The following PLOD3 variants were observed in gnomAD, a reference collection of about 807,000 sequenced individuals.
The protein encoded by PLOD3 is procollagen-lysine,2-oxoglutarate 5-dioxygenase 3.
In PLOD3, 73 loss-of-function variants were observed where a neutral mutation model predicts 96.9. The observed-to-expected ratio is 0.75, with a 90% confidence interval of 0.62 to 0.92. The LOEUF (loss-of-function observed/expected upper bound fraction) is 0.92, where lower values mean the gene tolerates loss of function less well. Among genes scored for constraint, PLOD3 ranks in the 40% least tolerant of loss-of-function variants. The pLI is 0.00. For missense variants in PLOD3, 1,004 were observed against 1,004.3 expected, an observed-to-expected ratio of 1.00 and a Z score of 0.00; for synonymous variants, 454 against 413.7, an observed-to-expected ratio of 1.10 and a Z score of -1.18.
chr7:101,213,604 C>T (rs533028950), intron 6 of PLOD3: 15 of 208,944 alleles, frequency 7.2e-5, no homozygotes, highest in Non-Finnish European at 9.9e-5. Flanking sequence ...GCAACCTCTG[C>T]CTCCTGAGTT....
chr7:101,206,270 G>A lies in PLOD3; in HGVS notation c.*11C>T. Reference sequence around the variant, plus strand: ...ACAATGGCAGGGCAGGTTTGGCAGAGTGGTTGAGTGTCAGGGGTCGACAAA... The same window carrying A: ...ACAATGGCAGGGCAGGTTTGGCAGAATGGTTGAGTGTCAGGGGTCGACAAA... On this transcript the variant is annotated 3_prime_UTR_variant, in exon 19 of 19. Coordinates refer to ENST00000223127, the MANE Select transcript of PLOD3 (RefSeq NM_001084.5). 5 of 1,613,708 alleles carry A rather than the reference G, an allele frequency of 3.1e-6. No individual in the cohort carries two copies. The highest frequency in any genetic ancestry group is 4.2e-6 in the Non-Finnish European group (5 of 1,179,840).
At chr7:101,216,669 T>A in intron 2 of PLOD3, 26 bp downstream of exon 2, 1 of 1,608,910 alleles carries the variant, frequency 6.2e-7, no homozygotes. Context: ...TGGGACCCCC[T>A]CCCAGGGGCC....
intron 16 of PLOD3, among the ~76,000 whole-genome samples, chr7:101,207,940 C>T (rs1464132797): frequency 6.6e-6 from 1 of 152,162 alleles, no homozygotes; most frequent in Non-Finnish European, 1.5e-5. Context: ...CTACTCCTCC[C>T]AAGTCTGGGT....
Position 101,211,678 on chromosome 7 carries a change from A to G in PLOD3, c.1271T>C (p.Leu424Pro). The change falls in exon 12 of 19, where the codon CTG becomes CCG. Residue 424 changes from leucine to proline, a missense_variant. This residue lies in a region of PLOD3 where 690 missense variants were observed against 650.2 expected (regional missense o/e 1.06). Coordinates refer to ENST00000223127, the MANE Select transcript of PLOD3 (RefSeq NM_001084.5). ...CAGGGCGCCCCAGAAGTTGGACCAC[A>G]GCTTGCCGTGGCGGGACAGCATGGG... is the stretch of plus-strand genomic sequence containing the variant. ...IAPMLSRHGK[L>P]WSNFWGALSP... is the part of the protein sequence containing the mutation. The G allele has an allele frequency of 6.2e-7, 1 of 1,607,996 alleles. No individual in the cohort carries two copies. Among genetic ancestry groups the G allele is most frequent in the Non-Finnish European group, 8.5e-7 (1 of 1,177,780 alleles).
At chr7:101,212,460 G>T in intron 9 of PLOD3, 70 bp downstream of exon 9, 2 of 1,570,302 alleles carry the variant, frequency 1.3e-6, no homozygotes, top group Non-Finnish European at 1.8e-6. Flanking sequence ...AGATGGGGGT[G>T]GGGGCACGAG....
intron 5 of PLOD3, among the ~76,000 whole-genome samples, chr7:101,215,441 A>G (rs1017151659): frequency 1.3e-5 from 2 of 152,094 alleles, no homozygotes; most frequent in African/African-American, 2.4e-5. Context: ...TCAAACTCCC[A>G]ATCTCAGGTG....
chr7:101,214,086 G>A (rs947494497), intron 6 of PLOD3, among the ~76,000 whole-genome samples: 1 of 151,350 alleles, frequency 6.6e-6, no homozygotes, highest in Non-Finnish European at 1.5e-5. Context: ...GCCCGCCTCA[G>A]CCTTCCAAAG....
intron 1 of PLOD3, among the ~76,000 whole-genome samples, 159 bp downstream of exon 1, chr7:101,217,007 T>C (rs116380375): frequency 0.012 from 1,817 of 152,008 alleles, 33 homozygotes; most frequent in African/African-American, 0.042. Context: ...CAGTTCAGGG[T>C]AGTGATGGGC....
chr7:101,209,691 T>G (rs1454785334), intron 15 of PLOD3: 1 of 175,666 alleles, frequency 5.7e-6, no homozygotes, highest in Non-Finnish European at 1.2e-5. Context: ...ACTCCTGGCC[T>G]CATTTCTTAT....
chr7:101,215,958 C>T lies in PLOD3; in HGVS notation c.565G>A (p.Asp189Asn). 1 of 1,613,350 alleles carries T rather than the reference C, an allele frequency of 6.2e-7. No homozygotes were observed. Among genetic ancestry groups the T allele is most frequent in the East Asian group, 2.2e-5 (1 of 44,814 alleles). ...CGTGTGTAGAACAGCTGGTCGTCGTCATCATCCTTGTACTTCCACTGGCGC... is the reference window on the plus strand; with the variant it reads ...CGTGTGTAGAACAGCTGGTCGTCGTTATCATCCTTGTACTTCCACTGGCGC... ...IVRQWKYKDD[D>N]DDQLFYTRLY... is the part of the protein sequence containing the mutation. The change falls in exon 5 of 19, where the codon GAC becomes AAC. Residue 189 changes from aspartate (D) to asparagine (N), a missense_variant. By Grantham distance (23) the Asp-to-Asn change is conservative (BLOSUM62 1). Transcript: ENST00000223127.
chr7:101,217,073 C>G, intron 1 of PLOD3, 93 bp downstream of exon 1: 1 of 1,317,900 alleles, frequency 7.6e-7, no homozygotes, highest in Non-Finnish European at 1.0e-6. Flanking sequence ...ACGGGCCAGA[C>G]ACCTCCTCGA....
Position 101,216,400 on chromosome 7 carries a change from GC to G in PLOD3, c.338+9del. On this transcript the variant is annotated intron_variant, in intron 3 of 18. Transcript: ENST00000223127. The stretch of plus-strand genomic sequence containing the variant: ...ATCCTTACCCCGCTCCCTATCCCCA[GC>G]CCCGTTACCTATCCACAAACATGAT... 6.2e-7 allele frequency: 1 copy of G among 1,614,060 alleles called. No individual in the cohort carries two copies. The highest frequency in any genetic ancestry group is 8.5e-7 in the Non-Finnish European group (1 of 1,179,990).
Position 101,215,095 on chromosome 7 carries a change from C to A in PLOD3, c.673G>T (p.Ala225Ser). The A allele has an allele frequency of 1.2e-6, 2 of 1,611,852 alleles. No individual in the cohort carries two copies. The highest frequency in any genetic ancestry group is 1.7e-6 in the Non-Finnish European group (2 of 1,177,854). ...CGGCTGTCTTCCTCCTCACCTAAAGCCCCGTTGAGGTTCTGAAAGATCCGA... is the reference window on the plus strand; with the variant it reads ...CGGCTGTCTTCCTCCTCACCTAAAGACCCGTTGAGGTTCTGAAAGATCCGA... ...KSRIFQNLNG[A>S]LDEVVLKFDR... Residue 225 changes from alanine to serine, a missense_variant, in exon 6 of 19, where the codon GCT (alanine) becomes TCT (serine). Ala to Ser is a moderately conservative substitution (Grantham distance 99, BLOSUM62 1). Around this residue, in one of 5 missense-constraint regions of PLOD3, gnomAD observed 690 missense variants for 650.2 expected, o/e 1.06. Coordinates refer to ENST00000223127, the MANE Select transcript of PLOD3 (RefSeq NM_001084.5).
intron 18 of PLOD3, 120 bp from the exon 19 acceptor site, chr7:101,206,556 G>T (rs1365704348): frequency 3.8e-6 from 4 of 1,053,422 alleles, no homozygotes; most frequent in African/African-American, 1.6e-5. Context: ...GGGTGACAAG[G>T]GAGATGGCAG....
At position 101,212,596 on chromosome 7, in the gene PLOD3, G is replaced by A. The variant is rs1546840; in HGVS notation, c.939C>T (p.Arg313=). The change falls in exon 9 of 19, where the codon CGC becomes CGT. Residue 313 remains arginine (R), a synonymous_variant. Coordinates refer to ENST00000223127, the MANE Select transcript of PLOD3 (RefSeq NM_001084.5). ...FVEQPTPFLP[R]FLQRLLLLDY... Reference sequence around the variant, plus strand: ...CCAGGAGTAGCAGCCGCTGCAGGAAGCGGGGCAGAAACGGAGTAGGCTGTT... The same window carrying A: ...CCAGGAGTAGCAGCCGCTGCAGGAAACGGGGCAGAAACGGAGTAGGCTGTT... 13,741 of 1,613,868 alleles carry A rather than the reference G, an allele frequency of 8.5e-3. 227 individuals carry two copies. The highest frequency in any genetic ancestry group is 0.079 in the East Asian group (3,532 of 44,858).
chr7:101,210,516 G>A lies in PLOD3; in HGVS notation c.1500+16C>T, dbSNP rs372679902. On this transcript the variant is annotated intron_variant, in intron 13 of 18. Transcript: ENST00000223127. Reference sequence around the variant, plus strand: ...TGGGGGACTGCCCCCAGGCCAGACCGTGCACCCGCGCTCACCTTGTCTCGA... The same window carrying A: ...TGGGGGACTGCCCCCAGGCCAGACCATGCACCCGCGCTCACCTTGTCTCGA... 1.3e-5 allele frequency: 21 copies of A among 1,614,030 alleles called. No individual in the cohort carries two copies. Among genetic ancestry groups the A allele is most frequent in the South Asian group, 3.3e-5 (3 of 91,090 alleles).
In PLOD3 at chr7:101,213,169, G is replaced by C; in HGVS notation, c.715C>G (p.Arg239Gly). 6.2e-7 allele frequency: 1 copy of C among 1,613,472 alleles called. No individual in the cohort carries two copies. Among genetic ancestry groups the C allele is most frequent in the East Asian group, 2.2e-5 (1 of 44,876 alleles). The change falls in exon 7 of 19, where the codon CGT (arginine) becomes GGT (glycine). Residue 239 changes from arginine (R) to glycine (G), a missense_variant. Arg to Gly is a moderately radical substitution (Grantham distance 125, BLOSUM62 -2). This residue lies in a region of PLOD3 where 690 missense variants were observed against 650.2 expected (regional missense o/e 1.06). Coordinates refer to ENST00000223127, the MANE Select transcript of PLOD3 (RefSeq NM_001084.5). Reference protein sequence around the residue: ...VVLKFDRNRVRIRNVAYDTLP... With the variant: ...VVLKFDRNRVGIRNVAYDTLP... ...GTGTCGTAGGCCACGTTCCGGATACGCACACGGTTCCGATCAAACTTTAAA... is the reference window on the plus strand; with the variant it reads ...GTGTCGTAGGCCACGTTCCGGATACCCACACGGTTCCGATCAAACTTTAAA...
In PLOD3 at chr7:101,217,487, T is replaced by C; in HGVS notation, c.-213A>G. 2.1e-6 allele frequency: 1 copy of C among 479,164 alleles called. No homozygotes were observed. The highest frequency in any genetic ancestry group is 3.6e-6 in the Non-Finnish European group (1 of 280,748). 29.7% of individuals were successfully genotyped at this position (479,164 alleles called of 1,614,324 possible). A position where few individuals can be genotyped will look rare whatever the true frequency, so the allele number is the denominator to read the frequency against. ...CCGGCGCCACAGACAAGGCGAGGATTGTCCCGGGCGCACGGGAGGCGGGGG... is the reference window on the plus strand; with the variant it reads ...CCGGCGCCACAGACAAGGCGAGGATCGTCCCGGGCGCACGGGAGGCGGGGG... On this transcript the variant is annotated 5_prime_UTR_variant, in exon 1 of 19. Transcript: ENST00000223127.
intron 16 of PLOD3, 172 bp downstream of exon 16, chr7:101,208,679 TGC>T: frequency 1.6e-6 from 1 of 635,286 alleles, no homozygotes. Flanking sequence ...TGAGCCACTG[TGC>T]CCAGCAGTAA....
Sources: allele counts gnomAD v4.1 joint callset (sites outside exome capture counted in the v4.1 genomes callset), GRCh38; gene constraint gnomAD v4.1.1; regional missense constraint gnomAD v4.1.1; transcripts MANE v1.5; gene names NCBI Gene and HGNC (gene_info 2026-07-23, HGNC 2026-07-21).